The following ALDH4A1 variants were observed in gnomAD, a reference collection of about 807,000 sequenced individuals.
ALDH4A1 encodes delta-1-pyrroline-5-carboxylate dehydrogenase, mitochondrial.
A neutral mutation model predicts 70.5 loss-of-function variants in ALDH4A1; 46 were observed. The observed-to-expected ratio is 0.65, with a 90% CI of 0.51 to 0.83. The LOEUF (loss-of-function observed/expected upper bound fraction) is 0.83, where lower values mean the gene tolerates loss of function less well. Ranked by LOEUF, ALDH4A1 falls within the 40% of genes least tolerant of loss-of-function variation. The pLI, the probability that ALDH4A1 is intolerant of heterozygous loss-of-function variation, is 0.00. For missense variants in ALDH4A1, 749 were observed against 766.5 expected (o/e 0.98, Z 0.27); for synonymous variants, 323 against 324.3 (o/e 1.00, Z 0.04).
intron 1 of ALDH4A1, among the ~76,000 whole-genome samples, chr1:18,892,346 G>A (rs932258711): frequency 2.0e-5 from 3 of 152,190 alleles, no homozygotes; most frequent in East Asian, 1.9e-4. Context: ...CAGAGACAGC[G>A]AGGCCCCTGG....
Position 18,898,942 on chromosome 1 carries a change from T to C in ALDH4A1, c.62+3520A>G, listed in dbSNP as rs991270252. Among the ~76,000 whole-genome samples the C allele has an allele frequency of 3.5e-4, 54 of 152,236 alleles. No homozygotes were observed. The highest frequency in any genetic ancestry group is 2.6e-4 in the Non-Finnish European group (18 of 68,032). ...AACTCAAATACTCACAGAGCACGCATTCGGTACCAGCATCCAGGAAACCAC... is the reference window on the plus strand; with the variant it reads ...AACTCAAATACTCACAGAGCACGCACTCGGTACCAGCATCCAGGAAACCAC... On this transcript the variant is annotated intron_variant, in intron 1 of 14. Transcript: ENST00000375341. This position sits in a 1 kb window ranked among gnomAD's most constrained non-coding sequence, Gnocchi z 4.3.
chr1:18,877,126 G>A, intron 11 of ALDH4A1, 82 bp downstream of exon 11: 3 of 1,534,564 alleles, frequency 2.0e-6, no homozygotes, highest in South Asian at 2.4e-5. Flanking sequence ...CCCTGGGTCA[G>A]GGTACCCTGT....
At chr1:18,877,681 AC>A in intron 9 of ALDH4A1, 69 bp from the exon 10 acceptor site, 1 of 1,544,788 alleles carries the variant, frequency 6.5e-7, no homozygotes, top group Non-Finnish European at 8.8e-7. Context: ...GGCCCAAAAC[AC>A]CACCTACGCC....
chr1:18,901,001 A>G, intron 1 of ALDH4A1: 1 of 808,648 alleles, frequency 1.2e-6, no homozygotes, highest in Non-Finnish European at 1.5e-6. Flanking sequence ...TTTCTCCCCT[A>G]TTAAGCCGAA....
intron 1 of ALDH4A1, among the ~76,000 whole-genome samples, chr1:18,899,771 C>T (rs779718829): frequency 1.9e-4 from 29 of 152,196 alleles, no homozygotes; most frequent in Non-Finnish European, 2.8e-4. Flanking sequence ...CCTGGGCCCA[C>T]CTATAAAGGC....
At chr1:18,884,432 G>A (rs561768066) in intron 5 of ALDH4A1, among the ~76,000 whole-genome samples, 17 of 152,230 alleles carry the variant, frequency 1.1e-4, no homozygotes, top group South Asian at 2.1e-4. Flanking sequence ...AGTTGGCAGC[G>A]TAGGGCTCAG....
rs749415906 is a variant in ALDH4A1, at chr1:18,876,475, G to A, written c.1186-8C>T. 2 of 1,580,432 alleles carry A rather than the reference G, an allele frequency of 1.3e-6. No homozygotes were observed. The highest frequency in any genetic ancestry group is 1.1e-5 in the South Asian group (1 of 88,508). ...CTTGATACGGGCAAAGGACTGGGGT[G>A]GGCAGGGAGGAGGGAGGTCTAAGAG... On this transcript the variant is annotated splice_region_variant and splice_polypyrimidine_tract_variant and intron_variant, in intron 11 of 14. Coordinates refer to ENST00000375341, the MANE Select transcript of ALDH4A1 (RefSeq NM_003748.4).
chr1:18,872,870 TC>T lies in ALDH4A1; in HGVS notation c.1666del (p.Asp556ThrfsTer89). ...TCACTGCATGTACGCGTAGCTCCAG[TC>T]CCCCAGGGGCTTATGTGTCTCCTTG... ...VIKETHKPLGDWSYAYMQ is the reference protein window; with the variant it reads ...VIKETHKPLGXWSYAYMQ On this transcript the variant is annotated frameshift_variant, in exon 15 of 15. Coordinates refer to ENST00000375341, the MANE Select transcript of ALDH4A1 (RefSeq NM_003748.4). LOFTEE classifies it high-confidence loss of function. 6.2e-7 allele frequency: 1 copy of T among 1,613,894 alleles called. No homozygotes were observed. Among genetic ancestry groups the T allele is most frequent in the South Asian group, 1.1e-5 (1 of 91,072 alleles).
intron 13 of ALDH4A1, 90 bp from the exon 14 acceptor site, chr1:18,874,671 T>G (rs1934594812): frequency 7.5e-7 from 1 of 1,331,840 alleles, no homozygotes; most frequent in Non-Finnish European, 1.1e-6. Flanking sequence ...CAGCCCACAC[T>G]GGCTTTCCAG....
At chr1:18,879,462 GC>G (rs1408159864) in intron 8 of ALDH4A1, 89 bp from the exon 9 acceptor site, 15 of 1,205,916 alleles carry the variant, frequency 1.2e-5, no homozygotes, top group Non-Finnish European at 1.8e-5. Flanking sequence ...GCCGGGGGCA[GC>G]CCAGCAGGAG....
intron 1 of ALDH4A1, among the ~76,000 whole-genome samples, chr1:18,895,858 C>T (rs1314064484): frequency 2.0e-5 from 3 of 152,206 alleles, no homozygotes; most frequent in Admixed American, 6.5e-5. Flanking sequence ...AGGTCCACAC[C>T]GCAACCAAAG....
chr1:18,876,974 A>G (rs1038846342), intron 11 of ALDH4A1, among the ~76,000 whole-genome samples: 2 of 152,162 alleles, frequency 1.3e-5, no homozygotes, highest in Admixed American at 1.3e-4. Context: ...TGCAAATGCT[A>G]TTAGGAGCTC....
chr1:18,882,664 C>A (rs757312891), intron 7 of ALDH4A1: 1 of 543,534 alleles, frequency 1.8e-6, no homozygotes, highest in Middle Eastern at 3.1e-4. Context: ...TCACAACTCC[C>A]TCTCGAAGCT....
rs529922048 is a variant in ALDH4A1 at position 18,889,205 on chromosome 1, G to A, written c.249+157C>T. On this transcript the variant is annotated intron_variant, in intron 3 of 14. Transcript: ENST00000375341. ...GTGTGGGTGCCGTCCTTTGCTTTGG[G>A]AGTTTTACTGGTCCACAGAATTCAA... is the stretch of plus-strand genomic sequence containing the variant. Among the ~76,000 whole-genome samples the A allele has an allele frequency of 2.6e-5, 4 of 152,304 alleles. No individual in the cohort carries two copies. In the South Asian group the frequency reaches 8.3e-4, roughly 32 times the overall value.
intron 5 of ALDH4A1, 46 bp downstream of exon 5, chr1:18,885,427 T>TACCACCCCCCCCCCCCCCCCCCCCC: frequency 1.1e-5 from 7 of 650,922 alleles, no homozygotes; most frequent in East Asian, 3.2e-5. Context: ...CACACCTGAC[T>TACCACCCCCCCCCCCCCCCCCCCCC]CCCACCCCAC....
At position 18,872,734 on chromosome 1, in the gene ALDH4A1, T is replaced by G. The variant is rs189346607; in HGVS notation, c.*111A>C. The G allele has an allele frequency of 1.1e-5, 9 of 798,124 alleles. No individual in the cohort carries two copies. In the Admixed American group the frequency reaches 1.8e-4, roughly 16 times the overall value. 49.4% of individuals were successfully genotyped at this position (798,124 alleles called of 1,614,324 possible). ...TAAGAAGGGAGTCAAGCCCGGATTA[T>G]AGAAAGGCAGCTGTGCATGAAGAAG... On this transcript the variant is annotated 3_prime_UTR_variant, in exon 15 of 15. Coordinates refer to ENST00000375341, the MANE Select transcript of ALDH4A1 (RefSeq NM_003748.4).
intron 1 of ALDH4A1, among the ~76,000 whole-genome samples, chr1:18,896,585 C>T (rs1275962211): frequency 2.6e-5 from 4 of 152,136 alleles, no homozygotes; most frequent in Admixed American, 6.5e-5. Flanking sequence ...GGGCCCAGGG[C>T]GGGGCCTGGA....
chr1:18,872,717 G>A lies in ALDH4A1; in HGVS notation c.*128C>T, dbSNP rs1292269994. 4 of 723,058 alleles carry A rather than the reference G, an allele frequency of 5.5e-6. No homozygotes were observed. Among genetic ancestry groups the A allele is most frequent in the African/African-American group, 5.2e-5 (3 of 57,210 alleles). 44.8% of individuals were successfully genotyped at this position (723,058 alleles called of 1,614,324 possible). On this transcript the variant is annotated 3_prime_UTR_variant, in exon 15 of 15. Transcript: ENST00000375341. The stretch of plus-strand genomic sequence containing the variant: ...AGGCCAGAATACAGTGGTAAGAAGG[G>A]AGTCAAGCCCGGATTATAGAAAGGC...
chr1:18,897,102 C>T (rs971194683), intron 1 of ALDH4A1: 4 of 533,724 alleles, frequency 7.5e-6, no homozygotes, highest in African/African-American at 1.9e-5. Context: ...ATCCAAAATC[C>T]GAAATGTTCC....
Sources: gnomAD v4.1 joint callset for allele counts (sites outside exome capture counted in the v4.1 genomes callset) on GRCh38, gnomAD v4.1.1 for gene constraint, Gnocchi (gnomAD v3.1) non-coding constraint, MANE v1.5 for transcripts, NCBI Gene and HGNC (gene_info 2026-07-23, HGNC 2026-07-21) for gene names.